The following UAP1 variants were observed in gnomAD, a reference collection of about 807,000 sequenced individuals.
UAP1 encodes the protein UDP-N-acetylhexosamine pyrophosphorylase.
Under a neutral mutation model 58.5 loss-of-function variants are expected in UAP1, and 25 were observed. The ratio of observed to expected loss-of-function variants is 0.43; its 90% CI spans 0.31 to 0.60. The LOEUF is 0.60. UAP1 is among the 20% of genes least tolerant of loss of function. UAP1 has a pLI of 0.11. For synonymous variants in UAP1, 208 were observed against 213.0 expected, an observed-to-expected ratio of 0.98 and a Z score of 0.21; for missense variants, 575 against 630.0, an observed-to-expected ratio of 0.91 and a Z score of 0.93.
At chr1:162,589,204 TTTA>T (rs1464930423) in intron 7 of UAP1, among the ~76,000 whole-genome samples, 3 of 43,246 alleles carry the variant, frequency 6.9e-5, no homozygotes, top group Non-Finnish European at 1.5e-4. Context: ...ATATATTATA[TTTA>T]AATATATATA....
intron 1 of UAP1, among the ~76,000 whole-genome samples, chr1:162,564,469 C>T (rs753407119): frequency 6.6e-6 from 1 of 152,168 alleles, no homozygotes; most frequent in Non-Finnish European, 1.5e-5. Flanking sequence ...TCTCTCACAT[C>T]GAAGCAATTA....
intron 2 of UAP1, among the ~76,000 whole-genome samples, chr1:162,574,956 TG>T (rs904194259): frequency 3.9e-5 from 6 of 152,260 alleles, no homozygotes; most frequent in African/African-American, 1.4e-4. Context: ...AATATTCAAC[TG>T]GCAAAAATTG....
At chr1:162,579,513 G>A in exon 4 of UAP1, 1 of 1,611,606 alleles carries the variant, frequency 6.2e-7, no homozygotes, top group Non-Finnish European at 8.5e-7. Flanking sequence ...AAAAGAGAAT[G>A]TAATCTTTTT....
At chr1:162,583,528 G>A (rs1654730369) in intron 5 of UAP1, among the ~76,000 whole-genome samples, 2 of 152,104 alleles carry the variant, frequency 1.3e-5, no homozygotes, top group African/African-American at 4.8e-5. Flanking sequence ...TAAACTTTAT[G>A]CAATCAGAGA....
chr1:162,574,817 CTG>C (rs774616315), intron 2 of UAP1, among the ~76,000 whole-genome samples: 2 of 151,622 alleles, frequency 1.3e-5, no homozygotes, highest in Non-Finnish European at 2.9e-5. Flanking sequence ...TTAATTCAGA[CTG>C]AGAGCTCTTT....
chr1:162,597,326 A>C (rs1320558877), intron 9 of UAP1: 1 of 152,576 alleles, frequency 6.6e-6, no homozygotes, highest in Non-Finnish European at 1.5e-5. Flanking sequence ...CTGTGCAGCT[A>C]TTGGCTTCTG....
intron 5 of UAP1, among the ~76,000 whole-genome samples, chr1:162,584,800 C>G (rs1654806898): frequency 1.3e-5 from 2 of 151,882 alleles, no homozygotes; most frequent in Non-Finnish European, 2.9e-5. Context: ...CTTTAATAGG[C>G]CCCTGTCTTG....
chr1:162,598,866 C>G (rs1226631584), intron 10 of UAP1, among the ~76,000 whole-genome samples: 1 of 151,914 alleles, frequency 6.6e-6, no homozygotes, highest in Non-Finnish European at 1.5e-5. Flanking sequence ...AATACAAAAA[C>G]TTAGACGGGT....
chr1:162,570,810 A>C (rs1216950720), intron 2 of UAP1, among the ~76,000 whole-genome samples: 1 of 152,178 alleles, frequency 6.6e-6, no homozygotes, highest in African/African-American at 2.4e-5. Context: ...CTGTTTACCC[A>C]ACTCCACTCA....
intron 9 of UAP1, among the ~76,000 whole-genome samples, chr1:162,594,172 G>A (rs868253354): frequency 6.6e-6 from 1 of 152,238 alleles, no homozygotes; most frequent in Non-Finnish European, 1.5e-5. Flanking sequence ...ACAACTCACT[G>A]TAATGTATAG....
At chr1:162,599,602 A>T (rs1323445788) in exon 11 of UAP1, 1 of 324,444 alleles carries the variant, frequency 3.1e-6, no homozygotes, top group Non-Finnish European at 5.6e-6. Flanking sequence ...TTCCAAGCCA[A>T]GGAGACCATT....
At chr1:162,597,882 C>G (rs1300451654) in intron 10 of UAP1, 24 bp downstream of exon 10, 6 of 1,586,978 alleles carry the variant, frequency 3.8e-6, no homozygotes, top group Non-Finnish European at 5.2e-6. Context: ...ACTTTTTCCT[C>G]TATTCTTTTA....
At chr1:162,577,057 T>C (rs1353291799) in intron 3 of UAP1, 76 bp downstream of exon 3, 1 of 1,361,116 alleles carries the variant, frequency 7.3e-7, no homozygotes. Context: ...ATATACTTTA[T>C]GCACTCACAG....
chr1:162,599,590 T>G (rs1399287872), exon 11 of UAP1: 1 of 341,184 alleles, frequency 2.9e-6, no homozygotes, highest in African/African-American at 2.1e-5. Flanking sequence ...TTATATAATT[T>G]TTTCCAAGCC....
rs1653151075 is a variant in UAP1 at position 162,561,778 on chromosome 1, G to A, written c.-58+1G>A. Reference sequence around the variant, plus strand: ...CGTAGCTGCGGTCGCGCCGAGAAAGGTGAGGGGCTCCCAGCCCAGCGAGGA... The same window carrying A: ...CGTAGCTGCGGTCGCGCCGAGAAAGATGAGGGGCTCCCAGCCCAGCGAGGA... On this transcript the variant is annotated splice_donor_variant, in intron 1 of 10. Coordinates refer to ENST00000271469, the Ensembl canonical transcript of UAP1. LOFTEE classifies it low-confidence loss of function (5UTR_SPLICE). 6.6e-6 allele frequency: 1 copy of A among 152,616 alleles called. No homozygotes were observed. Among genetic ancestry groups the A allele is most frequent in the Non-Finnish European group, 1.5e-5 (1 of 68,368 alleles). 9.5% of individuals were successfully genotyped at this position (152,616 alleles called of 1,614,324 possible). A position where few individuals can be genotyped will look rare whatever the true frequency, so the allele number is the denominator to read the frequency against.
At chr1:162,567,957 G>A (rs1225796449) in intron 2 of UAP1, among the ~76,000 whole-genome samples, 1 of 151,942 alleles carries the variant, frequency 6.6e-6, no homozygotes, top group African/African-American at 2.4e-5. Flanking sequence ...CACCATGCCC[G>A]GCTAAGTTTT....
At chr1:162,570,844 T>A (rs1324414348) in intron 2 of UAP1, among the ~76,000 whole-genome samples, 1 of 152,230 alleles carries the variant, frequency 6.6e-6, no homozygotes, top group African/African-American at 2.4e-5. Context: ...ATAATTTAAA[T>A]GAAAGTTCTG....
At chr1:162,589,123 AT>A (rs1313554504) in intron 7 of UAP1, among the ~76,000 whole-genome samples, 5 of 113,414 alleles carry the variant, frequency 4.4e-5, no homozygotes, top group African/African-American at 1.8e-4. Flanking sequence ...TATATATTTT[AT>A]ATATATAATT....
Position 162,577,435 on chromosome 1 carries a change from C to CTT in UAP1, c.485+484_485+485dup, listed in dbSNP as rs67627704. On this transcript the variant is annotated intron_variant, in intron 3 of 10. Transcript: ENST00000271469. ...ACCTTGGTCAGTGTTAGTTCCTTCCCTTTTTTTTTTTTTTTTTTTTTTTTT... is the reference window on the plus strand; with the variant it reads ...ACCTTGGTCAGTGTTAGTTCCTTCCCTTTTTTTTTTTTTTTTTTTTTTTTTTT... 3.3e-3 allele frequency among the ~76,000 whole-genome samples: 311 copies of CTT among 95,268 alleles called. 10 individuals carry two copies. The highest frequency in any genetic ancestry group is 5.0e-3 in the East Asian group (16 of 3,226). The allele number at this position is 95,268 out of a possible 152,430, so 62.5% of individuals were successfully genotyped here. A position where few individuals can be genotyped will look rare whatever the true frequency, so the allele number is the denominator to read the frequency against.
Sources: allele counts gnomAD v4.1 joint callset (sites outside exome capture counted in the v4.1 genomes callset), GRCh38; gene constraint gnomAD v4.1.1; transcripts MANE v1.5; gene names NCBI Gene and HGNC (gene_info 2026-07-23, HGNC 2026-07-21).